Variants in GLDN observed in about 807,000 individuals in gnomAD.
GLDN encodes the protein gliomedin.
A neutral mutation model predicts 56.5 loss-of-function variants in GLDN; 47 were observed. That is an observed-to-expected ratio of 0.83 (90% CI 0.66 to 1.06). The LOEUF is 1.06. Among genes scored for constraint, GLDN ranks in the 50% least tolerant of loss-of-function variants. The pLI, the probability that GLDN is intolerant of heterozygous loss-of-function variation, is 0.00. For missense variants in GLDN, 782 were observed against 714.3 expected, an observed-to-expected ratio of 1.09 and a Z score of -1.08; for synonymous variants, 332 against 278.8, an observed-to-expected ratio of 1.19 and a Z score of -1.90.
intron 5 of GLDN, 23 bp downstream of exon 5, chr15:51,395,004 C>T (rs776979612): frequency 6.4e-7 from 1 of 1,552,840 alleles, no homozygotes; most frequent in Middle Eastern, 1.7e-4. Context: ...CGCTGTGGCT[C>T]TCTTTGAGGG....
intron 4 of GLDN, among the ~76,000 whole-genome samples, chr15:51,386,539 A>G (rs2037897669): frequency 6.6e-6 from 1 of 152,228 alleles, no homozygotes; most frequent in Admixed American, 6.5e-5. Flanking sequence ...TCTGAGGGCC[A>G]TGAGAAGCCC....
At chr15:51,358,438 G>T (rs1188419840) in intron 1 of GLDN, among the ~76,000 whole-genome samples, 1 of 152,178 alleles carries the variant, frequency 6.6e-6, no homozygotes, top group Admixed American at 6.5e-5. Flanking sequence ...AGATGCAAAG[G>T]TAATTGTGGG....
intron 6 of GLDN, among the ~76,000 whole-genome samples, chr15:51,398,713 G>A (rs1595839095): frequency 6.6e-6 from 1 of 152,198 alleles, no homozygotes; most frequent in Non-Finnish European, 1.5e-5. Flanking sequence ...TGCAATGTGA[G>A]ACCACGGCAC....
intron 1 of GLDN, among the ~76,000 whole-genome samples, chr15:51,354,394 T>A (rs564385896): frequency 2.6e-5 from 4 of 152,142 alleles, no homozygotes; most frequent in African/African-American, 4.8e-5. Flanking sequence ...CTAAGCCACA[T>A]TTGGGGACCT....
chr15:51,344,261 C>G (rs1333727943), intron 1 of GLDN, among the ~76,000 whole-genome samples: 1 of 152,168 alleles, frequency 6.6e-6, no homozygotes, highest in Non-Finnish European at 1.5e-5. Context: ...TGCTTATTCT[C>G]CAGCAGGAAG....
chr15:51,392,593 C>A (rs944480596), intron 4 of GLDN, among the ~76,000 whole-genome samples: 1 of 151,994 alleles, frequency 6.6e-6, no homozygotes, highest in Non-Finnish European at 1.5e-5. Flanking sequence ...TCCCTCCCCA[C>A]ACCCCGGTCT....
intron 1 of GLDN, among the ~76,000 whole-genome samples, chr15:51,371,939 C>A (rs1288321663): frequency 6.6e-6 from 1 of 152,212 alleles, no homozygotes; most frequent in African/African-American, 2.4e-5. Flanking sequence ...CCCACCCTGG[C>A]CTCCCAAAGT....
At chr15:51,346,205 G>A (rs963712037) in intron 1 of GLDN, among the ~76,000 whole-genome samples, 3 of 151,904 alleles carry the variant, frequency 2.0e-5, no homozygotes, top group African/African-American at 7.3e-5. Context: ...TGATTCAAAA[G>A]TTCACATGGA....
chr15:51,350,035 A>G (rs1487360387), intron 1 of GLDN, among the ~76,000 whole-genome samples: 1 of 151,966 alleles, frequency 6.6e-6, no homozygotes, highest in African/African-American at 2.4e-5. Context: ...GAGCCACCGC[A>G]CCCGGCCTAG....
chr15:51,394,995 G>T lies in GLDN; in HGVS notation c.688+14G>T. The T allele has an allele frequency of 6.4e-7, 1 of 1,565,366 alleles. No individual in the cohort carries two copies. Among genetic ancestry groups the T allele is most frequent in the South Asian group, 1.2e-5 (1 of 81,136 alleles). ...TGCTCCTGGCAGGTAAGAGGGGTACGCTGTGGCTCTCTTTGAGGGCTTGTG... is the reference window on the plus strand; with the variant it reads ...TGCTCCTGGCAGGTAAGAGGGGTACTCTGTGGCTCTCTTTGAGGGCTTGTG... On this transcript the variant is annotated intron_variant, in intron 5 of 9. Coordinates refer to ENST00000335449, the MANE Select transcript of GLDN (RefSeq NM_181789.4).
intron 6 of GLDN, among the ~76,000 whole-genome samples, chr15:51,398,677 A>ATTATAATCAG (rs2038186506): frequency 1.3e-5 from 2 of 152,200 alleles, no homozygotes; most frequent in Admixed American, 1.3e-4. Context: ...CCCCCTCCCC[A>ATTATAATCAG]ACTCAGTGGA....
intron 1 of GLDN, among the ~76,000 whole-genome samples, chr15:51,346,463 G>A (rs1026302776): frequency 6.6e-6 from 1 of 152,156 alleles, no homozygotes; most frequent in Non-Finnish European, 1.5e-5. Context: ...TTGAGACAAC[G>A]GGCAAGCCCT....
At chr15:51,354,796 G>A (rs1166712304) in intron 1 of GLDN, among the ~76,000 whole-genome samples, 5 of 152,172 alleles carry the variant, frequency 3.3e-5, no homozygotes, top group Non-Finnish European at 7.3e-5. Flanking sequence ...TAGAACCTTT[G>A]CCAGGGAAGA....
intron 4 of GLDN, chr15:51,384,164 G>A: frequency 2.2e-6 from 1 of 445,842 alleles, no homozygotes; most frequent in Non-Finnish European, 4.1e-6. Flanking sequence ...GGAAGGAGCA[G>A]GAGCCCACAG....
At chr15:51,403,336 GGGACCTTCCC>G (rs1341480819) in intron 9 of GLDN, among the ~76,000 whole-genome samples, 1 of 152,146 alleles carries the variant, frequency 6.6e-6, no homozygotes, top group African/African-American at 2.4e-5. Context: ...GAGATGTGCA[GGGACCTTCCC>G]AAGCCTCACT....
At position 51,406,009 on chromosome 15, in the gene GLDN, G is replaced by A. The variant is rs2038373228; in HGVS notation, c.*1255G>A. 1 of 152,124 alleles carries A rather than the reference G, an allele frequency of 6.6e-6. No homozygotes were observed. The highest frequency in any genetic ancestry group is 1.5e-5 in the Non-Finnish European group (1 of 68,034). 9.4% of individuals were successfully genotyped at this position (152,124 alleles called of 1,614,324 possible). A position where few individuals can be genotyped will look rare whatever the true frequency, so the allele number is the denominator to read the frequency against. On this transcript the variant is annotated 3_prime_UTR_variant, in exon 10 of 10. Transcript: ENST00000335449. Reference sequence around the variant, plus strand: ...ACTCCTGATAAAGAATATAAAGTGAGCCTGATTCTTGAAAAAATCAGAACC... The same window carrying A: ...ACTCCTGATAAAGAATATAAAGTGAACCTGATTCTTGAAAAAATCAGAACC...
downstream of GLDN, among the ~76,000 whole-genome samples, chr15:51,408,252 A>G (rs995884575): frequency 6.6e-6 from 1 of 152,238 alleles, no homozygotes; most frequent in African/African-American, 2.4e-5. Context: ...AAATGCAATC[A>G]AGCTTTGCCA....
intron 1 of GLDN, among the ~76,000 whole-genome samples, chr15:51,363,299 CA>C (rs1391609182): frequency 6.6e-6 from 1 of 152,092 alleles, no homozygotes; most frequent in Non-Finnish European, 1.5e-5. Context: ...GTTATTTTTT[CA>C]AGTCCTTTAT....
chr15:51,365,945 C>T (rs1006524433), intron 1 of GLDN, among the ~76,000 whole-genome samples: 3 of 152,132 alleles, frequency 2.0e-5, no homozygotes, highest in African/African-American at 7.2e-5. Flanking sequence ...GAGCCTGTCC[C>T]CTTTAAGAAA....
Sources: allele counts gnomAD v4.1 joint callset (sites outside exome capture counted in the v4.1 genomes callset), GRCh38; gene constraint gnomAD v4.1.1; transcripts MANE v1.5; gene names NCBI Gene and HGNC (gene_info 2026-07-23, HGNC 2026-07-21).